The following SUGT1 variants were observed in gnomAD, a reference collection of about 807,000 sequenced individuals.
SUGT1 encodes protein SGT1 homolog.
A neutral mutation model predicts 56.1 loss-of-function variants in SUGT1; 15 were observed. The ratio of observed to expected loss-of-function variants is 0.27; its 90% confidence interval spans 0.18 to 0.41. The LOEUF is 0.41. Among genes scored for constraint, SUGT1 ranks in the 10% least tolerant of loss-of-function variants. The pLI, the probability that SUGT1 is intolerant of heterozygous loss-of-function variation, is 1.00. For synonymous variants in SUGT1, 123 were observed against 128.6 expected, an observed-to-expected ratio of 0.96 and a Z score of 0.30; for missense variants, 347 against 382.2, an observed-to-expected ratio of 0.91 and a Z score of 0.77.
chr13:52,699,439 G>T lies in SUGT1; in HGVS notation c.*11604G>T, dbSNP rs1309490023. On this transcript the variant is annotated 3_prime_UTR_variant, in exon 13 of 13. Transcript: ENST00000310528. ...TTTAGCAACTGGAATATTCTCCGAT[G>T]ATGCCTGTTTAATTACCCATAGGTG... 3 of 152,172 alleles carry T rather than the reference G, an allele frequency of 2.0e-5. No homozygotes were observed. Among genetic ancestry groups the T allele is most frequent in the Admixed American group, 2.0e-4 (3 of 15,270 alleles). 9.4% of individuals were successfully genotyped at this position (152,172 alleles called of 1,614,324 possible). A position where few individuals can be genotyped will look rare whatever the true frequency, so the allele number is the denominator to read the frequency against.
At chr13:52,659,814 A>ATATATATATATATATATT (rs1555271105) in intron 5 of SUGT1, among the ~76,000 whole-genome samples, 3 of 58,726 alleles carry the variant, frequency 5.1e-5, no homozygotes, top group African/African-American at 2.2e-4. Context: ...ATATATATAT[A>ATATATATATATATATATT]TTTTTTTTTT....
Position 52,665,632 on chromosome 13 carries a change from A to C in SUGT1, c.423-5A>C. 1 of 1,516,542 alleles carries C rather than the reference A, an allele frequency of 6.6e-7. No individual in the cohort carries two copies. Among genetic ancestry groups the C allele is most frequent in the Non-Finnish European group, 8.8e-7 (1 of 1,134,174 alleles). 93.9% of individuals were successfully genotyped at this position (1,516,542 alleles called of 1,614,324 possible). On this transcript the variant is annotated splice_polypyrimidine_tract_variant and splice_region_variant and intron_variant, in intron 8 of 12. Transcript: ENST00000310528. ...TTACCTAAGTTTCTTTTTTTTTTTT[A>C]ATAGGTATGACTGGTATCAAACAGA...
At position 52,674,053 on chromosome 13, in the gene SUGT1, C is replaced by CTTTTTTTTT. The variant is rs765220996; in HGVS notation, c.628-2164_628-2156dup. The stretch of plus-strand genomic sequence containing the variant: ...TGTAAATTACACCAAAGATAGTATA[C>CTTTTTTTTT]TTTTTTTTTTTTTTTTTTTTTGACA... On this transcript the variant is annotated intron_variant, in intron 10 of 12. Coordinates refer to ENST00000310528, the MANE Select transcript of SUGT1 (RefSeq NM_006704.5). Among the ~76,000 whole-genome samples the CTTTTTTTTT allele has an allele frequency of 2.8e-5, 3 of 107,950 alleles. 1 individual carries two copies. Among genetic ancestry groups the CTTTTTTTTT allele is most frequent in the African/African-American group, 3.7e-5 (1 of 27,332 alleles). The allele number at this position is 107,950 out of a possible 152,430, so 70.8% of individuals were successfully genotyped here.
chr13:52,660,063 T>G (rs1304082858), intron 5 of SUGT1, among the ~76,000 whole-genome samples: 1 of 151,536 alleles, frequency 6.6e-6, no homozygotes, highest in Non-Finnish European at 1.5e-5. Context: ...TCTCCTGACC[T>G]TGTGATCCAC....
chr13:52,694,474 G>A lies in SUGT1; in HGVS notation c.*6639G>A, dbSNP rs1467311629. On this transcript the variant is annotated 3_prime_UTR_variant, in exon 13 of 13. Transcript: ENST00000310528. ...TATTGTCAGCACTTTATAAAGAATC[G>A]TAAAATAAAATAGTGGCAGAAAATA... The A allele has an allele frequency of 6.6e-6, 1 of 152,168 alleles. No homozygotes were observed. The highest frequency in any genetic ancestry group is 1.5e-5 in the Non-Finnish European group (1 of 68,032). 9.4% of individuals were successfully genotyped at this position (152,168 alleles called of 1,614,324 possible).
chr13:52,666,126 C>T (rs185717907), intron 9 of SUGT1, among the ~76,000 whole-genome samples: 37 of 152,304 alleles, frequency 2.4e-4, no homozygotes, highest in Admixed American at 2.0e-3. Flanking sequence ...CTCGCTCTTG[C>T]GTAGGCTGGA....
At position 52,659,176 on chromosome 13, in the gene SUGT1, C is replaced by A; in HGVS notation, c.258-3C>A. 6.6e-7 allele frequency: 1 copy of A among 1,507,152 alleles called. No homozygotes were observed. The highest frequency in any genetic ancestry group is 8.8e-7 in the Non-Finnish European group (1 of 1,134,124). The allele number at this position is 1,507,152 out of a possible 1,614,324, so 93.4% of individuals were successfully genotyped here. On this transcript the variant is annotated splice_region_variant and splice_polypyrimidine_tract_variant and intron_variant, in intron 4 of 12. Coordinates refer to ENST00000310528, the MANE Select transcript of SUGT1 (RefSeq NM_006704.5). Reference sequence around the variant, plus strand: ...TTAATTTGTTTTAAATATATTCATGCAGAATATGTGAATACCATGAAAAAA... The same window carrying A: ...TTAATTTGTTTTAAATATATTCATGAAGAATATGTGAATACCATGAAAAAA...
intron 12 of SUGT1, among the ~76,000 whole-genome samples, chr13:52,682,371 A>G (rs1412470379): frequency 3.1e-5 from 1 of 32,086 alleles, no homozygotes; most frequent in Non-Finnish European, 5.8e-5. Context: ...GCTAATTTTT[A>G]AAATTTTTTG....
chr13:52,659,355 C>T lies in SUGT1; in HGVS notation c.328+106C>T, dbSNP rs1011708553. On this transcript the variant is annotated intron_variant, in intron 5 of 12. Coordinates refer to ENST00000310528, the MANE Select transcript of SUGT1 (RefSeq NM_006704.5). ...TCAAGTTAATTGTAGAAACCCAATA[C>T]CTGTTTTTCTCATCTAAATTATATT... is the stretch of plus-strand genomic sequence containing the variant. 7.6e-4 allele frequency: 458 copies of T among 605,658 alleles called. 1 individual carries two copies. Among genetic ancestry groups the T allele is most frequent in the Non-Finnish European group, 1.5e-4 (56 of 374,332 alleles). The allele number at this position is 605,658 out of a possible 1,614,324, so 37.5% of individuals were successfully genotyped here. A position where few individuals can be genotyped will look rare whatever the true frequency, so the allele number is the denominator to read the frequency against.
rs1330252906 is a variant in SUGT1 at position 52,653,119 on chromosome 13, TC to T, written c.96+17del. 1 of 1,614,080 alleles carries T rather than the reference TC, an allele frequency of 6.2e-7. No individual in the cohort carries two copies. The highest frequency in any genetic ancestry group is 8.5e-7 in the Non-Finnish European group (1 of 1,180,028). ...GGCGTTAGAGGTGAGAGAGCCCATT[TC>T]TGCTTCCTCCACTCTTCTTAGGGGA... On this transcript the variant is annotated intron_variant, in intron 2 of 12. Transcript: ENST00000310528.
chr13:52,653,717 G>A (rs1962028927), intron 2 of SUGT1, among the ~76,000 whole-genome samples: 1 of 152,128 alleles, frequency 6.6e-6, no homozygotes. Context: ...AAACCATAAA[G>A]CTGTAAAGGA....
Position 52,673,254 on chromosome 13 carries a change from TTG to T in SUGT1, c.628-2971_628-2970del, listed in dbSNP as rs1491338207. 8.6e-3 allele frequency among the ~76,000 whole-genome samples: 160 copies of T among 18,660 alleles called. 5 individuals are homozygous for T. Among genetic ancestry groups the T allele is most frequent in the East Asian group, 0.023 (6 of 258 alleles). The allele number at this position is 18,660 out of a possible 152,430, so 12.2% of individuals were successfully genotyped here. A position where few individuals can be genotyped will look rare whatever the true frequency, so the allele number is the denominator to read the frequency against. On this transcript the variant is annotated intron_variant, in intron 10 of 12. Transcript: ENST00000310528. ...CTCCCTTCTTTTACTTTTTTTTTTT[TTG>T]TGTGGGGGTAGATAGGGTCTCACTC...
intron 12 of SUGT1, among the ~76,000 whole-genome samples, chr13:52,681,863 GAT>G (rs1963389803): frequency 2.0e-5 from 3 of 150,660 alleles, no homozygotes; most frequent in South Asian, 2.1e-4. Context: ...GAGAGAGAGA[GAT>G]AGAACATTTT....
In SUGT1 at chr13:52,653,111, A is replaced by G; in HGVS notation, c.96+8A>G. 1 of 1,613,932 alleles carries G rather than the reference A, an allele frequency of 6.2e-7. No individual in the cohort carries two copies. Among genetic ancestry groups the G allele is most frequent in the South Asian group, 1.1e-5 (1 of 91,070 alleles). Reference sequence around the variant, plus strand: ...CCCCAGGCGGCGTTAGAGGTGAGAGAGCCCATTTCTGCTTCCTCCACTCTT... The same window carrying G: ...CCCCAGGCGGCGTTAGAGGTGAGAGGGCCCATTTCTGCTTCCTCCACTCTT... On this transcript the variant is annotated splice_region_variant and intron_variant, in intron 2 of 12. Transcript: ENST00000310528.
chr13:52,688,074 A>AT lies in SUGT1; in HGVS notation c.*242dup, dbSNP rs1025498547. 4 of 275,440 alleles carry AT rather than the reference A, an allele frequency of 1.5e-5. No homozygotes were observed. The highest frequency in any genetic ancestry group is 8.9e-5 in the African/African-American group (4 of 44,746). The allele number at this position is 275,440 out of a possible 1,614,324, so 17.1% of individuals were successfully genotyped here. On this transcript the variant is annotated 3_prime_UTR_variant, in exon 13 of 13. Coordinates refer to ENST00000310528, the MANE Select transcript of SUGT1 (RefSeq NM_006704.5). The stretch of plus-strand genomic sequence containing the variant: ...ATGGTGAAACTGAATAAAGCATGTC[A>AT]TTTGCTCCTAGATAGATTCATTCTA...
At chr13:52,686,720 C>T (rs890136591) in intron 12 of SUGT1, among the ~76,000 whole-genome samples, 7 of 152,056 alleles carry the variant, frequency 4.6e-5, no homozygotes, top group East Asian at 1.9e-4. Context: ...TGTAATAATT[C>T]GCTCTATTCT....
At chr13:52,680,726 CAT>C (rs938026430) in intron 12 of SUGT1, among the ~76,000 whole-genome samples, 2 of 152,074 alleles carry the variant, frequency 1.3e-5, no homozygotes, top group East Asian at 1.9e-4. Context: ...TCTTTTAAGA[CAT>C]ATTTACAGTA....
At chr13:52,662,480 T>G (rs1280980275) in intron 5 of SUGT1, among the ~76,000 whole-genome samples, 169 bp from the exon 6 acceptor site, 2 of 152,252 alleles carry the variant, frequency 1.3e-5, no homozygotes. Context: ...TATTGGTATA[T>G]TTATAACTAT....
chr13:52,670,481 T>C (rs1465082313), intron 10 of SUGT1, among the ~76,000 whole-genome samples: 4 of 152,174 alleles, frequency 2.6e-5, no homozygotes, highest in Admixed American at 1.3e-4. Flanking sequence ...GAAATACTCA[T>C]TTTAAAAATT....
Sources: gnomAD v4.1 joint callset for allele counts (sites outside exome capture counted in the v4.1 genomes callset) on GRCh38, gnomAD v4.1.1 for gene constraint, MANE v1.5 for transcripts, NCBI Gene and HGNC (gene_info 2026-07-23, HGNC 2026-07-21) for gene names.